The following BMP5 variants were observed in gnomAD, a reference collection of about 807,000 sequenced individuals.
The protein encoded by BMP5 is bone morphogenetic protein 5.
BMP5 carries 23 observed loss-of-function variants against 46.6 expected under a neutral mutation model. That is an observed-to-expected ratio of 0.49 (90% CI 0.35 to 0.70). BMP5 has a LOEUF of 0.70. Among genes scored for constraint, BMP5 ranks in the 30% least tolerant of loss-of-function variants. The pLI, the probability that BMP5 is intolerant of heterozygous loss-of-function variation, is 0.00. For missense variants in BMP5, 545 were observed against 565.6 expected, an observed-to-expected ratio of 0.96 and a Z score of 0.37; for synonymous variants, 204 against 191.9, an observed-to-expected ratio of 1.06 and a Z score of -0.52.
chr6:55,839,423 C>T (rs915315851), intron 1 of BMP5, among the ~76,000 whole-genome samples: 1 of 152,026 alleles, frequency 6.6e-6, no homozygotes, highest in African/African-American at 2.4e-5. Flanking sequence ...CTCAAGCAAT[C>T]CTCTCACCTC....
At chr6:55,829,678 GA>G (rs1270784832) in intron 1 of BMP5, among the ~76,000 whole-genome samples, 3 of 150,916 alleles carry the variant, frequency 2.0e-5, no homozygotes, top group Admixed American at 6.6e-5. Flanking sequence ...TCTTGAGGAA[GA>G]AAAAAAGGTA....
At chr6:55,805,231 T>C (rs1775959923) in intron 2 of BMP5, among the ~76,000 whole-genome samples, 1 of 152,158 alleles carries the variant, frequency 6.6e-6, no homozygotes, top group Non-Finnish European at 1.5e-5. Flanking sequence ...AGATACTTGA[T>C]TTTATTTATT....
At chr6:55,838,024 A>G (rs1457506491) in intron 1 of BMP5, among the ~76,000 whole-genome samples, 1 of 152,166 alleles carries the variant, frequency 6.6e-6, no homozygotes, top group East Asian at 1.9e-4. Flanking sequence ...TACTCCATTG[A>G]GTACATGTTT....
chr6:55,791,182 T>C (rs989187810), intron 3 of BMP5, among the ~76,000 whole-genome samples: 6 of 152,112 alleles, frequency 3.9e-5, no homozygotes, highest in African/African-American at 1.4e-4. Context: ...TGGTAATGAG[T>C]GAAGCTGTAA....
chr6:55,765,829 ACT>A (rs1774904360), intron 4 of BMP5, among the ~76,000 whole-genome samples: 1 of 152,122 alleles, frequency 6.6e-6, no homozygotes, highest in South Asian at 2.1e-4. Context: ...TGTTTGCATA[ACT>A]CTGCTCAGCA....
At chr6:55,772,238 G>A (rs1400097965) in intron 4 of BMP5, among the ~76,000 whole-genome samples, 1 of 151,866 alleles carries the variant, frequency 6.6e-6, no homozygotes, top group African/African-American at 2.4e-5. Context: ...TCTGCTCCAT[G>A]TGTTTTATTC....
chr6:55,820,788 T>C (rs1227585688), intron 1 of BMP5, among the ~76,000 whole-genome samples: 1 of 152,106 alleles, frequency 6.6e-6, no homozygotes, highest in Non-Finnish European at 1.5e-5. Context: ...TTACCCCTGG[T>C]CCAGTACAAA....
At chr6:55,812,466 CTG>C (rs1269541302) in intron 2 of BMP5, among the ~76,000 whole-genome samples, 1 of 152,184 alleles carries the variant, frequency 6.6e-6, no homozygotes, top group Non-Finnish European at 1.5e-5. Context: ...ATAGGTCAGA[CTG>C]TGTCTTGAAT....
At chr6:55,768,708 T>C (rs1012513713) in intron 4 of BMP5, among the ~76,000 whole-genome samples, 2 of 151,946 alleles carry the variant, frequency 1.3e-5, no homozygotes, top group Admixed American at 6.6e-5. Context: ...CAGCATACAA[T>C]AGCAATCTTT....
At chr6:55,856,348 G>A (rs923002611) in intron 1 of BMP5, among the ~76,000 whole-genome samples, 1 of 152,124 alleles carries the variant, frequency 6.6e-6, no homozygotes, top group African/African-American at 2.4e-5. Context: ...TTCATGTACA[G>A]GCTTTTGTGT....
At chr6:55,834,413 T>C (rs1423673676) in intron 1 of BMP5, among the ~76,000 whole-genome samples, 1 of 152,148 alleles carries the variant, frequency 6.6e-6, no homozygotes, top group South Asian at 2.1e-4. Context: ...TAGATATTCA[T>C]GTATGTAACA....
Position 55,817,460 on chromosome 6 carries a change from T to A in BMP5, c.683+2195A>T, listed in dbSNP as rs557398521. Among the ~76,000 whole-genome samples the A allele has an allele frequency of 3.3e-5, 5 of 152,240 alleles. No homozygotes were observed. The South Asian group carries it at 8.3e-4, about 25-fold the overall frequency. ...TTCATGTCCTTTGCAGGGACACAGA[T>A]GAAGCTAGAAACCATCATTCCCAGC... On this transcript the variant is annotated intron_variant, in intron 2 of 6. Coordinates refer to ENST00000370830, the MANE Select transcript of BMP5 (RefSeq NM_021073.4).
intron 1 of BMP5, among the ~76,000 whole-genome samples, chr6:55,821,797 A>G (rs1776415752): frequency 1.3e-5 from 2 of 152,078 alleles, no homozygotes; most frequent in African/African-American, 4.8e-5. Flanking sequence ...GCTGTGTGAG[A>G]GTGGAAGTCT....
chr6:55,788,546 C>T (rs1397550527), intron 3 of BMP5, among the ~76,000 whole-genome samples: 1 of 151,646 alleles, frequency 6.6e-6, no homozygotes, highest in East Asian at 1.9e-4. Flanking sequence ...AGAACTAGTC[C>T]CAAGTTAAAG....
At chr6:55,774,292 T>A in intron 3 of BMP5, 49 bp from the exon 4 acceptor site, 1 of 1,539,176 alleles carries the variant, frequency 6.5e-7, no homozygotes, top group Non-Finnish European at 9.0e-7. Flanking sequence ...AAAGAACAAT[T>A]ACCTGATGTG....
At chr6:55,828,630 T>C (rs1400212773) in intron 1 of BMP5, among the ~76,000 whole-genome samples, 3 of 151,818 alleles carry the variant, frequency 2.0e-5, no homozygotes, top group Admixed American at 6.6e-5. Flanking sequence ...ATTCAATGTT[T>C]ATCTTGGTAT....
At chr6:55,870,938 T>A (rs1301380022) in intron 1 of BMP5, among the ~76,000 whole-genome samples, 3 of 152,042 alleles carry the variant, frequency 2.0e-5, no homozygotes, top group Non-Finnish European at 1.5e-5. Flanking sequence ...AAAGTTCAAC[T>A]TTTTCCAGAG....
intron 4 of BMP5, among the ~76,000 whole-genome samples, chr6:55,761,610 G>T (rs1774781930): frequency 6.6e-6 from 1 of 151,894 alleles, no homozygotes; most frequent in Non-Finnish European, 1.5e-5. Flanking sequence ...CCTCTCCCTG[G>T]ATAGCTACAT....
chr6:55,853,234 A>C (rs546049103), intron 1 of BMP5, among the ~76,000 whole-genome samples: 3 of 146,574 alleles, frequency 2.0e-5, no homozygotes, highest in East Asian at 2.0e-4. Context: ...AAATACAATA[A>C]AATAAAATTT....
Sources: gnomAD v4.1 joint callset for allele counts (sites outside exome capture counted in the v4.1 genomes callset) on GRCh38, gnomAD v4.1.1 for gene constraint, MANE v1.5 for transcripts, NCBI Gene and HGNC (gene_info 2026-07-23, HGNC 2026-07-21) for gene names.